The following TCERG1L variants were observed in gnomAD, a reference collection of about 807,000 sequenced individuals.
The protein encoded by TCERG1L is transcription elongation regulator 1-like protein.
TCERG1L carries 37 observed loss-of-function variants against 56.3 expected under a neutral mutation model. That is an observed-to-expected ratio of 0.66 (90% CI 0.51 to 0.87). The LOEUF (loss-of-function observed/expected upper bound fraction) is 0.87, where lower values mean the gene tolerates loss of function less well. Ranked by LOEUF, TCERG1L falls within the 40% of genes least tolerant of loss-of-function variation. TCERG1L has a pLI of 0.00. For missense variants in TCERG1L, 799 were observed against 774.2 expected (o/e 1.03, Z -0.38); for synonymous variants, 324 against 326.3 (o/e 0.99, Z 0.08).
intron 4 of TCERG1L, among the ~76,000 whole-genome samples, chr10:131,196,341 G>A (rs141327086): frequency 2.0e-5 from 3 of 152,248 alleles, no homozygotes; most frequent in South Asian, 2.1e-4. Flanking sequence ...ACACAGCCGC[G>A]TCGCTCAGTG....
intron 7 of TCERG1L, among the ~76,000 whole-genome samples, chr10:131,140,940 C>T (rs77766819): frequency 0.047 from 7,201 of 152,280 alleles, 235 homozygotes; most frequent in South Asian, 0.19. Flanking sequence ...CAGGTCCAGC[C>T]AGGTGCTCAC....
At chr10:131,124,179 T>C (rs1004439886) in intron 8 of TCERG1L, among the ~76,000 whole-genome samples, 3 of 152,164 alleles carry the variant, frequency 2.0e-5, no homozygotes, top group Non-Finnish European at 4.4e-5. Flanking sequence ...CCCAGAGATC[T>C]CTGGCCTCTG....
chr10:131,171,962 T>C (rs1249397784), intron 4 of TCERG1L, among the ~76,000 whole-genome samples: 1 of 152,220 alleles, frequency 6.6e-6, no homozygotes, highest in Non-Finnish European at 1.5e-5. Context: ...GTCTAACTCA[T>C]CAAAAAGTTA....
intron 4 of TCERG1L, among the ~76,000 whole-genome samples, chr10:131,178,003 G>A (rs891621755): frequency 2.0e-5 from 3 of 152,046 alleles, no homozygotes; most frequent in African/African-American, 7.3e-5. Flanking sequence ...TTTGATGGAA[G>A]CAGCCTCCAC....
intron 3 of TCERG1L, among the ~76,000 whole-genome samples, chr10:131,284,125 CAAAAAA>C (rs10534180): frequency 8.6e-6 from 1 of 116,400 alleles, no homozygotes; most frequent in Non-Finnish European, 1.8e-5. Flanking sequence ...GACCACATCT[CAAAAAA>C]AAAAAAAAAA....
At chr10:131,298,270 T>C (rs1327258808) in intron 3 of TCERG1L, among the ~76,000 whole-genome samples, 1 of 152,160 alleles carries the variant, frequency 6.6e-6, no homozygotes, top group Non-Finnish European at 1.5e-5. Flanking sequence ...CTATTCAAAA[T>C]ATTTTCTTAT....
At chr10:131,285,547 AAAGGAAGGAAGAAAG>A (rs1589772592) in intron 3 of TCERG1L, among the ~76,000 whole-genome samples, 1 of 141,702 alleles carries the variant, frequency 7.1e-6, no homozygotes, top group East Asian at 2.1e-4. Context: ...GAAAAGAAAG[AAAGGAAGGAAGAAAG>A]AAAAAGAAAG....
intron 6 of TCERG1L, among the ~76,000 whole-genome samples, chr10:131,155,455 G>A (rs1589730664): frequency 1.3e-5 from 2 of 152,326 alleles, no homozygotes; most frequent in East Asian, 1.9e-4. Flanking sequence ...TCTGCCCCAC[G>A]CAGCCTCTGA....
At chr10:131,094,685 TCTCC>T (rs899162846) in intron 11 of TCERG1L, among the ~76,000 whole-genome samples, 3 of 151,714 alleles carry the variant, frequency 2.0e-5, no homozygotes, top group African/African-American at 7.3e-5. Context: ...TCCTTCCTTC[TCTCC>T]CTCCCTCCTT....
intron 3 of TCERG1L, among the ~76,000 whole-genome samples, chr10:131,304,727 G>C (rs1230508166): frequency 6.6e-6 from 1 of 152,100 alleles, no homozygotes; most frequent in Non-Finnish European, 1.5e-5. Flanking sequence ...TTATTTGCAT[G>C]CTTGGATGTA....
Position 131,197,326 on chromosome 10 carries a change from C to T in TCERG1L, c.857-30441G>A, listed in dbSNP as rs933791892. ...CCTCCCGAGTAGCTGGGACTACAGGCGCCCGCCACCATGCCCGGCTAATTA... is the reference window on the plus strand; with the variant it reads ...CCTCCCGAGTAGCTGGGACTACAGGTGCCCGCCACCATGCCCGGCTAATTA... On this transcript the variant is annotated intron_variant, in intron 4 of 11. Transcript: ENST00000368642. 2.8e-4 allele frequency among the ~76,000 whole-genome samples: 42 copies of T among 152,162 alleles called. 1 individual carries two copies. Among genetic ancestry groups the T allele is most frequent in the African/African-American group, 8.4e-4 (35 of 41,514 alleles).
chr10:131,203,314 C>A (rs1399166442), intron 4 of TCERG1L, among the ~76,000 whole-genome samples: 146 of 117,618 alleles, frequency 1.2e-3, no homozygotes, highest in East Asian at 2.3e-3. Context: ...GACTCCGTCT[C>A]AAAAAAAAAA....
intron 6 of TCERG1L, among the ~76,000 whole-genome samples, chr10:131,147,494 G>A (rs996722247): frequency 1.3e-5 from 2 of 152,328 alleles, no homozygotes; most frequent in African/African-American, 4.8e-5. Context: ...CAGCAAGGCC[G>A]GCCGGGGCTC....
At chr10:131,160,179 C>T (rs984147267) in intron 6 of TCERG1L, among the ~76,000 whole-genome samples, 5 of 152,166 alleles carry the variant, frequency 3.3e-5, no homozygotes, top group South Asian at 2.1e-4. Context: ...TAGTTCGTCT[C>T]GTAACACAGG....
chr10:131,146,124 A>G (rs551850155), intron 7 of TCERG1L, among the ~76,000 whole-genome samples: 1 of 152,330 alleles, frequency 6.6e-6, no homozygotes, highest in South Asian at 2.1e-4. Context: ...AAGTGAATGT[A>G]AGGTGGAAGA....
chr10:131,144,760 A>C (rs1589727535), intron 7 of TCERG1L, among the ~76,000 whole-genome samples: 1 of 152,352 alleles, frequency 6.6e-6, no homozygotes, highest in South Asian at 2.1e-4. Context: ...AATCTAAACT[A>C]ATCAGGTATT....
chr10:131,149,472 T>A (rs957246370), intron 6 of TCERG1L, among the ~76,000 whole-genome samples: 1 of 152,124 alleles, frequency 6.6e-6, no homozygotes, highest in African/African-American at 2.4e-5. Context: ...TTTTATTGAG[T>A]CTAAAGCTGA....
At chr10:131,153,891 CT>C (rs1416836269) in intron 6 of TCERG1L, among the ~76,000 whole-genome samples, 1 of 152,180 alleles carries the variant, frequency 6.6e-6, no homozygotes, top group Non-Finnish European at 1.5e-5. Context: ...CTCCTGAGCC[CT>C]GGGGAAATGC....
At chr10:131,246,510 G>A (rs1414726537) in intron 4 of TCERG1L, among the ~76,000 whole-genome samples, 1 of 152,114 alleles carries the variant, frequency 6.6e-6, no homozygotes, top group African/African-American at 2.4e-5. Context: ...GATGCGGAAA[G>A]TTATGATGAG....
Sources: gnomAD v4.1 joint callset for allele counts (sites outside exome capture counted in the v4.1 genomes callset) on GRCh38, gnomAD v4.1.1 for gene constraint, MANE v1.5 for transcripts, NCBI Gene and HGNC (gene_info 2026-07-23, HGNC 2026-07-21) for gene names.